Variants in RAB6A observed in about 807,000 individuals in gnomAD.
The protein encoded by RAB6A is RAB6A, member RAS oncogene family, also known as ras-related protein Rab-6A.
RAB6A carries 8 observed loss-of-function variants against 32.3 expected under a neutral mutation model. The ratio of observed to expected loss-of-function variants is 0.25; its 90% confidence interval spans 0.15 to 0.45. The LOEUF is 0.45. Among genes scored for constraint, RAB6A ranks in the 20% least tolerant of loss-of-function variants. RAB6A has a pLI of 1.00. For synonymous variants in RAB6A, 73 were observed against 82.1 expected (o/e 0.89, Z 0.60); for missense variants, 104 against 249.4 (o/e 0.42, Z 3.93).
rs375425533 is a variant in RAB6A at position 73,683,320 on chromosome 11, A to G, written c.496-3600T>C. 1.1e-3 allele frequency among the ~76,000 whole-genome samples: 161 copies of G among 145,984 alleles called. 1 individual carries two copies. In the South Asian group the frequency reaches 0.033, roughly 30 times the overall value. The stretch of plus-strand genomic sequence containing the variant: ...ACCCAAGCTGGAGTGCAGTGGCACA[A>G]TCATGGCTCCCTGAGGTCTCGACCT... On this transcript the variant is annotated intron_variant, in intron 6 of 7. Transcript: ENST00000336083.
chr11:73,682,034 A>G (rs1945366600), intron 6 of RAB6A, among the ~76,000 whole-genome samples: 1 of 152,234 alleles, frequency 6.6e-6, no homozygotes. Flanking sequence ...CACTTACCTT[A>G]ACATCATTTC....
At chr11:73,720,754 G>A in intron 3 of RAB6A, 92 bp downstream of exon 3, 1 of 1,011,550 alleles carries the variant, frequency 9.9e-7, no homozygotes. Context: ...ACTTTGCTAA[G>A]TACTTCTTAT....
intron 6 of RAB6A, among the ~76,000 whole-genome samples, chr11:73,696,622 ATTTCT>A (rs910846363): frequency 1.9e-4 from 29 of 151,672 alleles, no homozygotes; most frequent in African/African-American, 6.5e-4. Context: ...AGAGCCAGTG[ATTTCT>A]TTCCTTTCTT....
chr11:73,742,003 T>A (rs1056659273), intron 1 of RAB6A, among the ~76,000 whole-genome samples: 1 of 152,028 alleles, frequency 6.6e-6, no homozygotes, highest in African/African-American at 2.4e-5. Flanking sequence ...TAAAATAGGC[T>A]GGGCATGGTG....
intron 5 of RAB6A, among the ~76,000 whole-genome samples, chr11:73,709,481 C>T (rs904569330): frequency 1.1e-5 from 1 of 89,584 alleles, no homozygotes; most frequent in East Asian, 3.5e-4. Flanking sequence ...TATTATGACT[C>T]GTGGATTTAA....
chr11:73,744,312 T>C (rs1444203000), intron 1 of RAB6A, among the ~76,000 whole-genome samples: 2 of 135,546 alleles, frequency 1.5e-5, no homozygotes, highest in East Asian at 2.2e-4. Flanking sequence ...CACTCCAGCC[T>C]GGGTGACAAA....
At chr11:73,724,632 G>A (rs565279325) in intron 2 of RAB6A, among the ~76,000 whole-genome samples, 25 of 152,052 alleles carry the variant, frequency 1.6e-4, no homozygotes, top group Middle Eastern at 3.4e-3. Context: ...GACTACAGGC[G>A]CCCGACACCA....
intron 1 of RAB6A, among the ~76,000 whole-genome samples, chr11:73,731,717 T>TACACACACACAC (rs1946311783): frequency 6.6e-5 from 1 of 15,140 alleles, no homozygotes; most frequent in Admixed American, 1.0e-3. Context: ...TATATATATA[T>TACACACACACAC]ATATATATAT....
Position 73,717,263 on chromosome 11 carries a change from T to C in RAB6A, c.290-901A>G, listed in dbSNP as rs549788138. ...TCCTAATTGAGGAGATATGCAAGAA[T>C]GCATAGTAACAGTATTACTAGTCCA... is the stretch of plus-strand genomic sequence containing the variant. On this transcript the variant is annotated intron_variant, in intron 4 of 7. Coordinates refer to ENST00000336083, the MANE Select transcript of RAB6A (RefSeq NM_198896.2). 8.5e-5 allele frequency among the ~76,000 whole-genome samples: 13 copies of C among 152,376 alleles called. No individual in the cohort carries two copies. In the South Asian group the frequency reaches 2.1e-3, roughly 24 times the overall value.
At chr11:73,691,662 A>G (rs1965551) in intron 6 of RAB6A, among the ~76,000 whole-genome samples, 24 of 152,314 alleles carry the variant, frequency 1.6e-4, no homozygotes, top group Non-Finnish European at 3.1e-4. Flanking sequence ...GTGAAAACAC[A>G]TTAGGAAGCA....
At chr11:73,718,780 C>G (rs1337064676) in intron 3 of RAB6A, 62 bp from the exon 4 acceptor site, 1 of 1,613,936 alleles carries the variant, frequency 6.2e-7, no homozygotes, top group Non-Finnish European at 8.5e-7. Context: ...TTGCAATATA[C>G]CTACTTGTGA....
intron 6 of RAB6A, among the ~76,000 whole-genome samples, chr11:73,682,966 A>C (rs1211062573): frequency 6.6e-6 from 1 of 152,182 alleles, no homozygotes. Flanking sequence ...GAAAAACTCC[A>C]ATGTCCATTA....
At chr11:73,743,304 CAAAA>C (rs56400918) in intron 1 of RAB6A, among the ~76,000 whole-genome samples, 3 of 103,340 alleles carry the variant, frequency 2.9e-5, no homozygotes, top group Admixed American at 1.1e-4. Flanking sequence ...AACTCTGTCT[CAAAA>C]AAAAAAAAAA....
At chr11:73,709,722 T>C (rs1432683495) in intron 5 of RAB6A, among the ~76,000 whole-genome samples, 2 of 149,658 alleles carry the variant, frequency 1.3e-5, no homozygotes, top group African/African-American at 2.4e-5. Context: ...TATTTACATG[T>C]GGTAATGTGG....
intron 6 of RAB6A, among the ~76,000 whole-genome samples, chr11:73,695,981 T>A (rs761201246): frequency 1.3e-5 from 2 of 152,130 alleles, no homozygotes; most frequent in African/African-American, 2.4e-5. Flanking sequence ...GAGAAGGAGA[T>A]TTCAAAATAA....
intron 1 of RAB6A, among the ~76,000 whole-genome samples, chr11:73,734,576 G>C (rs149507029): frequency 4.5e-4 from 68 of 152,292 alleles, no homozygotes; most frequent in East Asian, 3.5e-3. Context: ...ACGGTGGATG[G>C]TTTCAGGATG....
chr11:73,760,439 A>C lies in RAB6A; in HGVS notation c.70+127T>G, dbSNP rs1345987755. 3.2e-6 allele frequency: 4 copies of C among 1,260,956 alleles called. No homozygotes were observed. The East Asian group carries it at 1.0e-4, about 33-fold the overall frequency. The allele number at this position is 1,260,956 out of a possible 1,614,324, so 78.1% of individuals were successfully genotyped here. A position where few individuals can be genotyped will look rare whatever the true frequency, so the allele number is the denominator to read the frequency against. ...AGTGGCACCGGGGGGCACATCGGGA[A>C]GGGCTGCGGTGGCAACGAGCGCGGA... On this transcript the variant is annotated intron_variant, in intron 1 of 7. Transcript: ENST00000336083.
intron 2 of RAB6A, among the ~76,000 whole-genome samples, chr11:73,723,663 A>G (rs1946175237): frequency 6.6e-6 from 1 of 152,168 alleles, no homozygotes; most frequent in Non-Finnish European, 1.5e-5. Context: ...ACTAGGCACC[A>G]TCATTAGCAG....
intron 1 of RAB6A, among the ~76,000 whole-genome samples, chr11:73,754,534 C>G (rs1385310478): frequency 2.0e-5 from 3 of 152,194 alleles, no homozygotes; most frequent in Non-Finnish European, 2.9e-5. Flanking sequence ...TCTATTAAGT[C>G]AGACATTAAA....
Sources: allele counts gnomAD v4.1 joint callset (sites outside exome capture counted in the v4.1 genomes callset), GRCh38; gene constraint gnomAD v4.1.1; transcripts MANE v1.5; gene names NCBI Gene and HGNC (gene_info 2026-07-23, HGNC 2026-07-21).